Variants in MADD observed in about 807,000 individuals in gnomAD.
The protein encoded by MADD is MAP kinase activating death domain.
Under a neutral mutation model 176.7 loss-of-function variants are expected in MADD, and 109 were observed. The observed-to-expected ratio is 0.62, with a 90% CI of 0.53 to 0.72. MADD has a LOEUF of 0.72. MADD is among the 30% of genes least tolerant of loss of function. The pLI, the probability that MADD is intolerant of heterozygous loss-of-function variation, is 0.00. For synonymous variants in MADD, 771 were observed against 771.3 expected (o/e 1.00, Z 0.01); for missense variants, 1,914 against 2,045.5 (o/e 0.94, Z 1.24).
chr11:47,273,903 T>C lies in MADD; in HGVS notation c.-12T>C, dbSNP rs2047288238. ...CTGATGCTTCTCTGAGATAAACTGATGAATTGGAACCATGGTGCAAAAGAA... is the reference window on the plus strand; with the variant it reads ...CTGATGCTTCTCTGAGATAAACTGACGAATTGGAACCATGGTGCAAAAGAA... On this transcript the variant is annotated 5_prime_UTR_variant, in exon 2 of 33. An upstream start codon of the reference 5' UTR is lost. Coordinates refer to ENST00000402192, the Ensembl canonical transcript of MADD. 10 of 1,613,292 alleles carry C rather than the reference T, an allele frequency of 6.2e-6. No individual in the cohort carries two copies. Among genetic ancestry groups the C allele is most frequent in the African/African-American group, 2.7e-5 (2 of 74,926 alleles).
chr11:47,274,794 C>A lies in MADD; in HGVS notation c.294C>A (p.Tyr98Ter). 1 of 1,614,228 alleles carries A rather than the reference C, an allele frequency of 6.2e-7. No homozygotes were observed. Among genetic ancestry groups the A allele is most frequent in the Non-Finnish European group, 8.5e-7 (1 of 1,180,040 alleles). Residue 98 changes from tyrosine to a stop codon, truncating the protein, a stop_gained, in exon 3 of 33, where the codon TAC becomes TAA. Transcript: ENST00000402192. LOFTEE classifies it high-confidence loss of function. ...GATATGGCATCTGTGTTAACTTCTA[C>A]CGCTCCTTCCAAAAGCGAATCTCTA...
chr11:47,310,106 C>G (rs1331054560), intron 25 of MADD, among the ~76,000 whole-genome samples: 1 of 151,392 alleles, frequency 6.6e-6, no homozygotes, highest in East Asian at 2.0e-4. Flanking sequence ...CCTCCCAAAG[C>G]GCTGGGATTA....
Position 47,292,534 on chromosome 11 carries a change from C to T in MADD, c.3302-1349C>T. The T allele has an allele frequency of 1.2e-6, 2 of 1,613,698 alleles. No homozygotes were observed. Among genetic ancestry groups the T allele is most frequent in the Non-Finnish European group, 1.7e-6 (2 of 1,179,824 alleles). On this transcript the variant is annotated intron_variant, in intron 19 of 32. Transcript: ENST00000402192. ...TCTTTCTCTCCTGCTTGCATTGCATCTGGGGTAGAATTGTGGAACAAGCAC... is the reference window on the plus strand; with the variant it reads ...TCTTTCTCTCCTGCTTGCATTGCATTTGGGGTAGAATTGTGGAACAAGCAC...
intron 22 of MADD, among the ~76,000 whole-genome samples, chr11:47,306,686 A>G (rs576834385): frequency 2.0e-5 from 3 of 152,048 alleles, no homozygotes; most frequent in Non-Finnish European, 4.4e-5. Context: ...CTATGTGGCC[A>G]TCCTGAGTTT....
At chr11:47,270,012 C>T (rs1958699877), upstream of MADD, 1 of 152,116 alleles carries the variant, frequency 6.6e-6, no homozygotes, top group African/African-American at 2.4e-5. Context: ...GCCGCTGTCT[C>T]CCGAGGTCGG....
At chr11:47,273,926 G>T in exon 2 of MADD, 2 of 1,614,108 alleles carry the variant, frequency 1.2e-6, no homozygotes, top group Non-Finnish European at 1.7e-6. Context: ...TGGTGCAAAA[G>T]AAGAAGTTCT....
At position 47,329,580 on chromosome 11, in the gene MADD, C is replaced by A. The variant is rs898478753; in HGVS notation, c.*430C>A. The A allele has an allele frequency of 9.1e-4, 151 of 165,100 alleles. 2 individuals carry two copies. Among genetic ancestry groups the A allele is most frequent in the Non-Finnish European group, 1.7e-4 (13 of 75,066 alleles). The allele number at this position is 165,100 out of a possible 1,614,324, so 10.2% of individuals were successfully genotyped here. A position where few individuals can be genotyped will look rare whatever the true frequency, so the allele number is the denominator to read the frequency against. ...TGTGAGGAGTGAGGGAACCCTGGGG[C>A]TCACCCTCTCAGAGGAAGGGCACAG... On this transcript the variant is annotated 3_prime_UTR_variant, in exon 33 of 33. Transcript: ENST00000402192.
Position 47,309,289 on chromosome 11 carries a change from C to T in MADD, c.3760C>T (p.Arg1254Cys), listed in dbSNP as rs764636265. Residue 1254 changes from arginine to cysteine, a missense_variant, in exon 24 of 33, where the codon CGT becomes TGT. By Grantham distance (180) the Arg-to-Cys change is radical. Transcript: ENST00000402192. ...ACCTTTATTCTATGCAGGCAAAGAG[C>T]GTTCTACTTTATGGGACCAAATGCA... The T allele has an allele frequency of 3.1e-6, 5 of 1,613,958 alleles. No homozygotes were observed. Among genetic ancestry groups the T allele is most frequent in the Non-Finnish European group, 4.2e-6 (5 of 1,180,012 alleles).
exon 12 of MADD, chr11:47,284,446 A>G: frequency 6.2e-7 from 1 of 1,614,176 alleles, no homozygotes; most frequent in Non-Finnish European, 8.5e-7. Flanking sequence ...GCAGAATCAG[A>G]AGGAAGCAGA....
intron 22 of MADD, among the ~76,000 whole-genome samples, chr11:47,307,189 T>C (rs1336821777): frequency 6.6e-6 from 1 of 152,122 alleles, no homozygotes; most frequent in Non-Finnish European, 1.5e-5. Context: ...GCCAGGACTA[T>C]AGATGTGAGC....
intron 15 of MADD, 146 bp downstream of exon 16, chr11:47,289,173 A>G (rs570254041): frequency 3.3e-6 from 3 of 897,628 alleles, no homozygotes; most frequent in Admixed American, 2.5e-5. Context: ...ATGCTTGCCC[A>G]TGGGGCTTGC....
intron 27 of MADD, among the ~76,000 whole-genome samples, chr11:47,319,726 T>G (rs2094014925): frequency 6.6e-6 from 1 of 152,142 alleles, no homozygotes; most frequent in African/African-American, 2.4e-5. Context: ...GTGGCTCACA[T>G]GAGCCTGTAA....
chr11:47,272,080 T>A (rs1230496596), intron 1 of MADD: 1 of 152,246 alleles, frequency 6.6e-6, no homozygotes, highest in African/African-American at 2.4e-5. Flanking sequence ...GACAACCTAA[T>A]TCTTAGCAGG....
At chr11:47,295,764 A>G (rs1222981788) in intron 21 of MADD, 133 bp from the exon 24 acceptor site, 13 of 1,521,144 alleles carry the variant, frequency 8.5e-6, no homozygotes, top group Non-Finnish European at 1.1e-5. Flanking sequence ...CTTATAAAGA[A>G]GGTACTTCCA....
chr11:47,274,421 G>T, intron 2 of MADD, 142 bp from the exon 3 acceptor site: 1 of 721,474 alleles, frequency 1.4e-6, no homozygotes, highest in Non-Finnish European at 2.4e-6. Flanking sequence ...CATGCGGCAG[G>T]CAGCACCCAT....
Position 47,290,001 on chromosome 11 carries a change from AC to A in MADD, c.2893del (p.Arg965AlafsTer28). ...CGAGTCTTTGTCCTGAGCAAGCTGA[AC>A]CGCATGGTGCAGTCAGAGGACGATG... On this transcript the variant is annotated frameshift_variant, in exon 17 of 33. Transcript: ENST00000402192. LOFTEE classifies it high-confidence loss of function. 5.6e-6 allele frequency: 9 copies of A among 1,614,176 alleles called. No homozygotes were observed. The highest frequency in any genetic ancestry group is 1.1e-5 in the South Asian group (1 of 91,082).
intron 1 of MADD, among the ~76,000 whole-genome samples, chr11:47,272,511 G>A (rs924700128): frequency 2.0e-5 from 3 of 152,156 alleles, no homozygotes; most frequent in African/African-American, 7.2e-5. Context: ...GTTTCTCTCC[G>A]TGTGCATTGA....
Position 47,284,575 on chromosome 11 carries a change from GA to G in MADD, c.2157+11del. On this transcript the variant is annotated intron_variant, in intron 12 of 32. Transcript: ENST00000402192. ...CCACGGAGCCAACTCTGTAAGTGAG[GA>G]GCGGTGGATGAGTGAGAACCATGGC... The G allele has an allele frequency of 6.2e-7, 1 of 1,612,646 alleles. No individual in the cohort carries two copies. The highest frequency in any genetic ancestry group is 1.1e-5 in the South Asian group (1 of 90,954).
intron 22 of MADD, 137 bp from the exon 25 acceptor site, chr11:47,308,454 T>C (rs2084938296): frequency 1.7e-6 from 1 of 590,128 alleles, no homozygotes; most frequent in Non-Finnish European, 3.0e-6. Flanking sequence ...TAAGTGGACT[T>C]GCAGAAGCAG....
Sources: allele counts gnomAD v4.1 joint callset (sites outside exome capture counted in the v4.1 genomes callset), GRCh38; gene constraint gnomAD v4.1.1; transcripts MANE v1.5; gene names NCBI Gene and HGNC (gene_info 2026-07-23, HGNC 2026-07-21).